The following CNTN1 variants were observed in gnomAD, a reference collection of about 807,000 sequenced individuals.
CNTN1 encodes contactin-1.
CNTN1 carries 38 observed loss-of-function variants against 126.4 expected under a neutral mutation model. The observed-to-expected ratio is 0.30, with a 90% CI of 0.23 to 0.39. The LOEUF is 0.39. CNTN1 is among the 10% of genes least tolerant of loss of function. CNTN1 has a pLI of 1.00. For synonymous variants in CNTN1, 413 were observed against 422.6 expected, an observed-to-expected ratio of 0.98 and a Z score of 0.28; for missense variants, 1,009 against 1,248.4, an observed-to-expected ratio of 0.81 and a Z score of 2.89.
At chr12:41,049,449 C>A (rs1275679729) in intron 23 of CNTN1, among the ~76,000 whole-genome samples, 1 of 152,186 alleles carries the variant, frequency 6.6e-6, no homozygotes, top group Non-Finnish European at 1.5e-5. Context: ...TTTTTGGCAT[C>A]ATTTTCTTTA....
chr12:41,063,303 C>A (rs1394257810), intron 23 of CNTN1, among the ~76,000 whole-genome samples: 1 of 152,212 alleles, frequency 6.6e-6, no homozygotes, highest in African/African-American at 2.4e-5. Flanking sequence ...TTAAATGATA[C>A]AGGTGAGCAA....
At chr12:40,847,753 C>T (rs1451033221) in intron 1 of CNTN1, among the ~76,000 whole-genome samples, 1 of 152,160 alleles carries the variant, frequency 6.6e-6, no homozygotes, top group African/African-American at 2.4e-5. Context: ...AGTGGGCTGT[C>T]CCTCTCCTGT....
chr12:40,876,607 A>T (rs551730899), intron 1 of CNTN1, among the ~76,000 whole-genome samples: 39 of 152,170 alleles, frequency 2.6e-4, no homozygotes, highest in Non-Finnish European at 4.6e-4. Flanking sequence ...ATGTTTAAAT[A>T]ATCACAGAAA....
intron 15 of CNTN1, among the ~76,000 whole-genome samples, chr12:40,973,927 T>C (rs1230669196): frequency 1.3e-5 from 2 of 152,156 alleles, no homozygotes; most frequent in Non-Finnish European, 2.9e-5. Context: ...TGAATCTTGA[T>C]TATTGATTAA....
At chr12:40,708,441 C>T (rs887837324) in intron 1 of CNTN1, among the ~76,000 whole-genome samples, 2 of 152,216 alleles carry the variant, frequency 1.3e-5, no homozygotes, top group African/African-American at 4.8e-5. Flanking sequence ...TTGTCTGAGC[C>T]TTCAGCCAGC....
At position 41,000,129 on chromosome 12, in the gene CNTN1, A is replaced by G. The variant is rs181884728; in HGVS notation, c.2113+6860A>G. Among the ~76,000 whole-genome samples the G allele has an allele frequency of 2.6e-5, 4 of 152,292 alleles. No individual in the cohort carries two copies. The East Asian group carries it at 7.7e-4, about 29-fold the overall frequency. On this transcript the variant is annotated intron_variant, in intron 17 of 23. Coordinates refer to ENST00000551295, the MANE Select transcript of CNTN1 (RefSeq NM_001843.4). ...AAAAGAAACATGATAAAATGGAAAG[A>G]GATATTCAATCTAATTTAAACATAC...
chr12:40,931,063 T>C (rs1267879048), intron 7 of CNTN1, among the ~76,000 whole-genome samples: 1 of 151,978 alleles, frequency 6.6e-6, no homozygotes, highest in Admixed American at 6.6e-5. Context: ...AGCTAAGTTC[T>C]CCAGTTGTTC....
In CNTN1 at chr12:40,933,680, G is replaced by C. The variant is rs756134091; in HGVS notation, c.804-17G>C. ...TTAAGTGTGTGAAACTTTAACCCTT[G>C]TATCTTCTATTTAAAGTCCTGTTCC... On this transcript the variant is annotated splice_polypyrimidine_tract_variant and intron_variant, in intron 8 of 23. Coordinates refer to ENST00000551295, the MANE Select transcript of CNTN1 (RefSeq NM_001843.4). 19 of 1,610,864 alleles carry C rather than the reference G, an allele frequency of 1.2e-5. No homozygotes were observed. In the African/African-American group the frequency reaches 2.1e-4, roughly 18 times the overall value.
chr12:40,796,729 C>T (rs891939399), intron 1 of CNTN1, among the ~76,000 whole-genome samples: 3 of 152,020 alleles, frequency 2.0e-5, no homozygotes, highest in African/African-American at 7.2e-5. Flanking sequence ...TAAGGAGAGT[C>T]ATGGAGAAAA....
chr12:41,005,312 T>C (rs921546423), intron 17 of CNTN1, among the ~76,000 whole-genome samples: 27 of 152,230 alleles, frequency 1.8e-4, no homozygotes, highest in Admixed American at 1.7e-3. Flanking sequence ...TTTAGTCTGA[T>C]TGGCTTCCTT....
chr12:40,985,095 C>A (rs886549517), intron 16 of CNTN1, among the ~76,000 whole-genome samples: 1 of 151,940 alleles, frequency 6.6e-6, no homozygotes, highest in African/African-American at 2.4e-5. Context: ...CAGTTTCTCT[C>A]AGTTTTTGTT....
chr12:40,855,006 G>A (rs1046596892), intron 1 of CNTN1, among the ~76,000 whole-genome samples: 1 of 152,084 alleles, frequency 6.6e-6, no homozygotes, highest in East Asian at 1.9e-4. Flanking sequence ...CCCTTAGATT[G>A]TATTAAGAAG....
chr12:40,783,628 A>G (rs1393209090), intron 1 of CNTN1, among the ~76,000 whole-genome samples: 2 of 152,112 alleles, frequency 1.3e-5, no homozygotes, highest in East Asian at 1.9e-4. Context: ...TCACCATTCC[A>G]GTAACAATGT....
At chr12:40,761,097 G>A (rs1223040656) in intron 1 of CNTN1, among the ~76,000 whole-genome samples, 1 of 151,986 alleles carries the variant, frequency 6.6e-6, no homozygotes, top group Non-Finnish European at 1.5e-5. Context: ...TATTTCATAG[G>A]TAATCTATTT....
rs369941278 is a variant in CNTN1 at position 40,922,280 on chromosome 12, T to A, written c.252T>A (p.Val84=). The A allele has an allele frequency of 5.0e-6, 8 of 1,614,022 alleles. No individual in the cohort carries two copies. Among genetic ancestry groups the A allele is most frequent in the Non-Finnish European group, 5.9e-6 (7 of 1,179,926 alleles). The change falls in exon 5 of 24, where the codon GTT becomes GTA. Residue 84 remains valine, a synonymous_variant. Coordinates refer to ENST00000551295, the MANE Select transcript of CNTN1 (RefSeq NM_001843.4). ...VYKWRMNNGD[V]DLTSDRYSMV... Reference sequence around the variant, plus strand: ...GATGGAGAATGAATAATGGGGACGTTGATCTCACAAGTGATCGATACAGTA... The same window carrying A: ...GATGGAGAATGAATAATGGGGACGTAGATCTCACAAGTGATCGATACAGTA...
At chr12:40,727,469 G>A (rs1452159076) in intron 1 of CNTN1, among the ~76,000 whole-genome samples, 1 of 151,544 alleles carries the variant, frequency 6.6e-6, no homozygotes, top group Admixed American at 6.6e-5. Context: ...GGTCCTGAAT[G>A]AGCCAGAAAA....
At chr12:41,057,554 CTG>C (rs1160622741) in intron 23 of CNTN1, among the ~76,000 whole-genome samples, 6 of 151,914 alleles carry the variant, frequency 3.9e-5, no homozygotes, top group African/African-American at 9.7e-5. Flanking sequence ...ACATAAGACT[CTG>C]TTCATATTTC....
At chr12:40,923,370 G>A (rs1945521184) in intron 5 of CNTN1, among the ~76,000 whole-genome samples, 1 of 152,114 alleles carries the variant, frequency 6.6e-6, no homozygotes, top group African/African-American at 2.4e-5. Context: ...TTTGCAAAAT[G>A]AATTATAGGA....
rs76409750 is a variant in CNTN1 at position 41,060,116 on chromosome 12, G to C, written c.2981-9843G>C. Among the ~76,000 whole-genome samples the C allele has an allele frequency of 4.0e-3, 605 of 152,292 alleles. 7 individuals carry two copies. The highest frequency in any genetic ancestry group is 0.014 in the African/African-American group (581 of 41,550). ...ATGAAATAATTTTAAGGAAAATTGAGTCTCATGGCCAGTTAGTTTCACTCT... is the reference window on the plus strand; with the variant it reads ...ATGAAATAATTTTAAGGAAAATTGACTCTCATGGCCAGTTAGTTTCACTCT... On this transcript the variant is annotated intron_variant, in intron 23 of 23. Transcript: ENST00000551295.
Sources: allele counts gnomAD v4.1 joint callset (sites outside exome capture counted in the v4.1 genomes callset), GRCh38; gene constraint gnomAD v4.1.1; transcripts MANE v1.5; gene names NCBI Gene and HGNC (gene_info 2026-07-23, HGNC 2026-07-21).